MYBL1: variants seen among roughly 807,000 people sequenced by gnomAD.
The protein encoded by MYBL1 is myb-related protein A.
MYBL1 carries 17 observed loss-of-function variants against 96.3 expected under a neutral mutation model. The ratio of observed to expected loss-of-function variants is 0.18; its 90% confidence interval spans 0.12 to 0.26. The LOEUF (loss-of-function observed/expected upper bound fraction) is 0.26. MYBL1 is among the 10% of genes least tolerant of loss of function. MYBL1 has a pLI of 1.00. For synonymous variants in MYBL1, 282 were observed against 292.7 expected (o/e 0.96, Z 0.37); for missense variants, 701 against 882.9 (o/e 0.79, Z 2.61).
chr8:66,602,904 C>T (rs1348409440), intron 1 of MYBL1, among the ~76,000 whole-genome samples: 1 of 151,082 alleles, frequency 6.6e-6, no homozygotes, highest in African/African-American at 2.4e-5. Flanking sequence ...CACCACTACG[C>T]CCAGCTAATT....
chr8:66,597,287 C>T, intron 5 of MYBL1, 43 bp downstream of exon 5: 3 of 1,345,766 alleles, frequency 2.2e-6, no homozygotes, highest in Non-Finnish European at 3.0e-6. Context: ...TAATAAAGGT[C>T]ATGTTTAAGT....
chr8:66,595,284 G>C (rs761259918), intron 6 of MYBL1, among the ~76,000 whole-genome samples: 1 of 151,998 alleles, frequency 6.6e-6, no homozygotes, highest in Non-Finnish European at 1.5e-5. Context: ...TGTTTAAATG[G>C]AAAGTACAAT....
intron 10 of MYBL1, among the ~76,000 whole-genome samples, 160 bp from the exon 11 acceptor site, chr8:66,573,666 T>C (rs1038279871): frequency 6.6e-6 from 1 of 152,166 alleles, no homozygotes; most frequent in African/African-American, 2.4e-5. Context: ...TCCATGAGGG[T>C]AGGAATTTTT....
At chr8:66,573,288 A>C in intron 11 of MYBL1, 76 bp downstream of exon 11, 1 of 1,304,952 alleles carries the variant, frequency 7.7e-7, no homozygotes, top group Non-Finnish European at 1.0e-6. Context: ...CTTGCTATTT[A>C]TATGCACAAA....
intron 12 of MYBL1, among the ~76,000 whole-genome samples, chr8:66,570,502 C>T (rs1455657934): frequency 3.3e-5 from 5 of 152,044 alleles, no homozygotes; most frequent in Non-Finnish European, 5.9e-5. Context: ...CCAAATGACC[C>T]TGACTCACTG....
At chr8:66,573,873 G>A (rs1393708331) in intron 10 of MYBL1, among the ~76,000 whole-genome samples, 2 of 152,184 alleles carry the variant, frequency 1.3e-5, no homozygotes, top group African/African-American at 4.8e-5. Flanking sequence ...GTACAACAGT[G>A]TGTAACTGAA....
chr8:66,601,825 CTAAA>C (rs1271115305), intron 2 of MYBL1, 56 bp from the exon 3 acceptor site: 1 of 833,240 alleles, frequency 1.2e-6, no homozygotes, highest in Non-Finnish European at 1.9e-6. Flanking sequence ...TCCTCTACCC[CTAAA>C]TATAGATAAC....
intron 3 of MYBL1, 51 bp downstream of exon 3, chr8:66,601,647 C>T: frequency 9.7e-7 from 1 of 1,033,792 alleles, no homozygotes. Context: ...CAAATTTAAC[C>T]CAATGCCTTA....
intron 8 of MYBL1, among the ~76,000 whole-genome samples, chr8:66,584,534 T>C (rs1223267217): frequency 6.6e-6 from 1 of 152,132 alleles, no homozygotes; most frequent in Non-Finnish European, 1.5e-5. Flanking sequence ...TGGGGTAATG[T>C]TGCAGGACAA....
intron 10 of MYBL1, 80 bp downstream of exon 10, chr8:66,575,927 A>C (rs985328642): frequency 2.0e-5 from 28 of 1,402,762 alleles, no homozygotes; most frequent in Non-Finnish European, 2.9e-6. Flanking sequence ...AAAGCTACCA[A>C]CTGCTAGTAA....
Position 66,564,771 on chromosome 8 carries a change from T to C in MYBL1, c.2185A>G (p.Met729Val). The C allele has an allele frequency of 1.3e-6, 2 of 1,584,094 alleles. No homozygotes were observed. Among genetic ancestry groups the C allele is most frequent in the South Asian group, 1.1e-5 (1 of 87,360 alleles). Reference sequence around the variant, plus strand: ...AGATATCTTCTTGCTTGTTCAGTCATAATAAGTTGGTCTTCTGTCTTCCCA... The same window carrying C: ...AGATATCTTCTTGCTTGTTCAGTCACAATAAGTTGGTCTTCTGTCTTCCCA... ...VYGKTEDQLI[M>V]TEQARRYLST... Residue 729 changes from methionine to valine, a missense_variant, in exon 16 of 16, where the codon ATG (methionine) becomes GTG (valine). This residue lies in a region of MYBL1 where 137 missense variants were observed against 137.5 expected (regional missense o/e 1.00). Transcript: ENST00000522677.
chr8:66,599,802 A>C (rs78767373), intron 3 of MYBL1, among the ~76,000 whole-genome samples: 1 of 145,646 alleles, frequency 6.9e-6, no homozygotes, highest in Non-Finnish European at 1.5e-5. Flanking sequence ...CTCTCATCTC[A>C]AAAAAAAAAA....
intron 1 of MYBL1, among the ~76,000 whole-genome samples, chr8:66,610,172 CTTAAAAG>C (rs994488012): frequency 7.2e-5 from 11 of 151,886 alleles, no homozygotes; most frequent in Non-Finnish European, 1.2e-4. Context: ...TATAAATATG[CTTAAAAG>C]TTAAATATAT....
chr8:66,571,648 G>A (rs142388657), intron 12 of MYBL1, among the ~76,000 whole-genome samples: 3 of 152,208 alleles, frequency 2.0e-5, no homozygotes, highest in East Asian at 1.9e-4. Flanking sequence ...TTGGGAGGCC[G>A]AAGGTGGGTG....
intron 3 of MYBL1, among the ~76,000 whole-genome samples, chr8:66,600,908 C>G (rs1466442393): frequency 6.6e-6 from 1 of 152,012 alleles, no homozygotes; most frequent in Non-Finnish European, 1.5e-5. Context: ...CGGTAACTCA[C>G]GCCTGTAATC....
At chr8:66,580,076 G>A in intron 9 of MYBL1, 57 bp downstream of exon 9, 1 of 1,277,288 alleles carries the variant, frequency 7.8e-7, no homozygotes, top group Non-Finnish European at 1.1e-6. Flanking sequence ...GAGTTTCTGA[G>A]CATGAAATCA....
chr8:66,569,623 T>C (rs1480505585), intron 12 of MYBL1, among the ~76,000 whole-genome samples: 1 of 152,166 alleles, frequency 6.6e-6, no homozygotes, highest in East Asian at 1.9e-4. Context: ...AGTGCTGGAA[T>C]TACAGGTATG....
intron 10 of MYBL1, 66 bp downstream of exon 10, chr8:66,575,941 T>C: frequency 6.7e-7 from 1 of 1,490,680 alleles, no homozygotes; most frequent in South Asian, 1.3e-5. Context: ...CTAGTAAGGA[T>C]GTTAAAGATC....
Position 66,562,407 on chromosome 8 carries a change from C to G in MYBL1, c.*2290G>C, listed in dbSNP as rs1305273152. ...CATTTGTATAACATACTGAAAGAAA[C>G]TCAGAGGAACAAAACAGTATAAAGG... On this transcript the variant is annotated 3_prime_UTR_variant, in exon 16 of 16. Coordinates refer to ENST00000522677, the MANE Select transcript of MYBL1 (RefSeq NM_001080416.4). The G allele has an allele frequency of 6.6e-6, 1 of 152,482 alleles. No individual in the cohort carries two copies. Among genetic ancestry groups the G allele is most frequent in the Non-Finnish European group, 1.5e-5 (1 of 68,004 alleles). The allele number at this position is 152,482 out of a possible 1,614,324, so 9.4% of individuals were successfully genotyped here.
Sources: allele counts gnomAD v4.1 joint callset (sites outside exome capture counted in the v4.1 genomes callset), GRCh38; gene constraint gnomAD v4.1.1; regional missense constraint gnomAD v4.1.1; transcripts MANE v1.5; gene names NCBI Gene and HGNC (gene_info 2026-07-23, HGNC 2026-07-21).